Variants in VAV3 observed in about 807,000 individuals in gnomAD.
VAV3 encodes the protein guanine nucleotide exchange factor VAV3.
A neutral mutation model predicts 131.2 loss-of-function variants in VAV3; 94 were observed. The observed-to-expected ratio is 0.72, with a 90% CI of 0.61 to 0.85. The LOEUF is 0.85. VAV3 is among the 40% of genes least tolerant of loss of function. The pLI is 0.00. For synonymous variants in VAV3, 349 were observed against 342.0 expected (o/e 1.02, Z -0.22); for missense variants, 939 against 1,002.7 (o/e 0.94, Z 0.86).
rs1263540621 is a variant in VAV3 at position 107,591,415 on chromosome 1, GAATGAATGAATGAATGAATA to G, written c.2350+4777_2350+4796del. Among the ~76,000 whole-genome samples, 692 of 147,794 alleles carry G rather than the reference GAATGAATGAATGAATGAATA, an allele frequency of 4.7e-3. 8 individuals carry two copies. Among genetic ancestry groups the G allele is most frequent in the African/African-American group, 0.018 (662 of 37,482 alleles). On this transcript the variant is annotated intron_variant, in intron 25 of 26. Coordinates refer to ENST00000370056, the MANE Select transcript of VAV3 (RefSeq NM_006113.5). Reference sequence around the variant, plus strand: ...GAAAATATTTTCAGGATAAAGGGATGAATGAATGAATGAATGAATAAATGAATGAATGAATGAATGAAGCA... The same window carrying G: ...GAAAATATTTTCAGGATAAAGGGATGAATGAATGAATGAATGAATGAAGCA...
intron 2 of VAV3, among the ~76,000 whole-genome samples, chr1:107,855,484 C>T (rs1288884121): frequency 6.6e-6 from 1 of 151,964 alleles, no homozygotes; most frequent in Non-Finnish European, 1.5e-5. Context: ...TGCCATGTTG[C>T]CCAGGCTGGT....
rs1238807192 is a variant in VAV3, at chr1:107,596,211, C to T, written c.2350+1G>A. 6.2e-7 allele frequency: 1 copy of T among 1,611,272 alleles called. No homozygotes were observed. On this transcript the variant is annotated splice_donor_variant, in intron 25 of 26. Transcript: ENST00000370056. LOFTEE classifies it high-confidence loss of function. ...ATTGTATTCTCAATTACAATACTTA[C>T]AGCTGTTGCCTGCTCTATTACCCCT...
chr1:107,616,836 C>G (rs1653190659), intron 21 of VAV3, among the ~76,000 whole-genome samples: 1 of 152,090 alleles, frequency 6.6e-6, no homozygotes, highest in Non-Finnish European at 1.5e-5. Context: ...CCCCTTCAGG[C>G]AATCATCTCC....
chr1:107,882,948 T>C (rs1018785594), intron 1 of VAV3, among the ~76,000 whole-genome samples: 3 of 152,280 alleles, frequency 2.0e-5, no homozygotes, highest in African/African-American at 7.2e-5. Flanking sequence ...AGGACATAAA[T>C]GGAGAAGGGT....
chr1:107,622,834 G>A (rs1653709555), intron 20 of VAV3, among the ~76,000 whole-genome samples: 1 of 152,178 alleles, frequency 6.6e-6, no homozygotes, highest in Admixed American at 6.5e-5. Context: ...GCATGGCCAT[G>A]AATAATGGGA....
At chr1:107,876,646 T>C (rs1411878008) in intron 1 of VAV3, among the ~76,000 whole-genome samples, 1 of 152,096 alleles carries the variant, frequency 6.6e-6, no homozygotes, top group Non-Finnish European at 1.5e-5. Flanking sequence ...CAGACACTAC[T>C]GACTACTTAA....
intron 21 of VAV3, among the ~76,000 whole-genome samples, chr1:107,613,290 T>A (rs1192472672): frequency 6.6e-6 from 1 of 152,144 alleles, no homozygotes; most frequent in Non-Finnish European, 1.5e-5. Context: ...TGGAAAGTTC[T>A]CAGGCATTGT....
chr1:107,935,861 T>C (rs747367094), intron 1 of VAV3, among the ~76,000 whole-genome samples: 31 of 152,082 alleles, frequency 2.0e-4, no homozygotes, highest in Non-Finnish European at 3.7e-4. Context: ...GAAACCATGG[T>C]ATATCAGGTG....
intron 1 of VAV3, among the ~76,000 whole-genome samples, chr1:107,937,063 G>C (rs1673756392): frequency 6.6e-6 from 1 of 152,046 alleles, no homozygotes; most frequent in Non-Finnish European, 1.5e-5. Context: ...TAGCAAGAGT[G>C]ACAGTCTAAA....
At chr1:107,750,329 T>C (rs529676434) in intron 13 of VAV3, among the ~76,000 whole-genome samples, 19 of 152,362 alleles carry the variant, frequency 1.2e-4, no homozygotes, top group African/African-American at 4.3e-4. Context: ...TTCTTTTTTC[T>C]TATTAAGAAC....
intron 15 of VAV3, among the ~76,000 whole-genome samples, chr1:107,740,530 T>C (rs1662956220): frequency 6.6e-6 from 1 of 152,204 alleles, no homozygotes; most frequent in Non-Finnish European, 1.5e-5. Context: ...TTTATAGTTT[T>C]TTTTGGTGGA....
At chr1:107,724,248 C>A (rs1335567053) in intron 15 of VAV3, among the ~76,000 whole-genome samples, 15 of 151,978 alleles carry the variant, frequency 9.9e-5, no homozygotes, top group Middle Eastern at 3.4e-3. Context: ...GAATAGTCTT[C>A]CTTCCCTCTA....
chr1:107,590,287 T>C (rs992628461), intron 25 of VAV3, among the ~76,000 whole-genome samples: 1 of 152,256 alleles, frequency 6.6e-6, no homozygotes, highest in Non-Finnish European at 1.5e-5. Context: ...AGCACTCTAA[T>C]ATCTGCTGTG....
intron 6 of VAV3, among the ~76,000 whole-genome samples, chr1:107,769,035 T>C (rs909236956): frequency 1.5e-4 from 23 of 152,174 alleles, no homozygotes; most frequent in Admixed American, 8.5e-4. Flanking sequence ...ACAAATAATC[T>C]TGTGCTCCAC....
At chr1:107,717,628 T>C (rs959060818) in intron 15 of VAV3, among the ~76,000 whole-genome samples, 2 of 152,212 alleles carry the variant, frequency 1.3e-5, no homozygotes, top group African/African-American at 4.8e-5. Flanking sequence ...TCTGTTCTTT[T>C]ACATTTGCTG....
chr1:107,737,970 G>C (rs1217495943), intron 15 of VAV3, among the ~76,000 whole-genome samples: 2 of 152,192 alleles, frequency 1.3e-5, no homozygotes, highest in African/African-American at 4.8e-5. Flanking sequence ...GTCCAACAAT[G>C]ATAGACTGGA....
intron 20 of VAV3, among the ~76,000 whole-genome samples, chr1:107,626,286 T>C (rs548553465): frequency 6.6e-4 from 100 of 152,324 alleles, no homozygotes; most frequent in Non-Finnish European, 1.3e-3. Flanking sequence ...CAGTTGACAA[T>C]CACCCAGGGA....
intron 15 of VAV3, among the ~76,000 whole-genome samples, chr1:107,736,356 A>C (rs1370709158): frequency 1.3e-5 from 2 of 152,188 alleles, no homozygotes; most frequent in African/African-American, 2.4e-5. Context: ...AGTTCTGGCA[A>C]GGGCAATCAG....
chr1:107,928,645 G>A (rs1269957532), intron 1 of VAV3, among the ~76,000 whole-genome samples: 4 of 152,128 alleles, frequency 2.6e-5, no homozygotes. Flanking sequence ...GTCTTTATCA[G>A]AATTGTTTAA....
Sources: allele counts gnomAD v4.1 joint callset (sites outside exome capture counted in the v4.1 genomes callset), GRCh38; gene constraint gnomAD v4.1.1; transcripts MANE v1.5; gene names NCBI Gene and HGNC (gene_info 2026-07-23, HGNC 2026-07-21).